The following TECRL variants were observed in gnomAD, a reference collection of about 807,000 sequenced individuals.
TECRL encodes the protein trans-2,3-enoyl-CoA reductase like.
Under a neutral mutation model 52.8 loss-of-function variants are expected in TECRL, and 63 were observed. That is an observed-to-expected ratio of 1.19 (90% CI 0.97 to 1.47). The LOEUF (loss-of-function observed/expected upper bound fraction) is 1.47. TECRL is among the 40% of genes most tolerant of loss of function. The probability of loss-of-function intolerance (pLI) is 0.00; values close to 1 mark genes in which losing one functional copy is unlikely to be tolerated. For synonymous variants in TECRL, 164 were observed against 141.9 expected, an observed-to-expected ratio of 1.16 and a Z score of -1.10; for missense variants, 482 against 429.6, an observed-to-expected ratio of 1.12 and a Z score of -1.08.
At chr4:64,343,809 A>G (rs1033428347) in intron 2 of TECRL, among the ~76,000 whole-genome samples, 3 of 152,086 alleles carry the variant, frequency 2.0e-5, no homozygotes, top group Admixed American at 1.3e-4. Flanking sequence ...CAGTTTGTCA[A>G]AAGATTAACC....
chr4:64,327,046 A>G (rs1357698568), intron 3 of TECRL, among the ~76,000 whole-genome samples: 1 of 152,108 alleles, frequency 6.6e-6, no homozygotes, highest in Non-Finnish European at 1.5e-5. Context: ...ACACTTTAAA[A>G]ATGATTTAAG....
intron 3 of TECRL, among the ~76,000 whole-genome samples, chr4:64,327,996 A>G (rs1718377372): frequency 6.6e-6 from 1 of 151,936 alleles, no homozygotes; most frequent in Non-Finnish European, 1.5e-5. Context: ...AGCAACAGTA[A>G]TTATTGGTAG....
intron 9 of TECRL, among the ~76,000 whole-genome samples, chr4:64,284,942 T>A (rs529503879): frequency 6.6e-6 from 1 of 152,114 alleles, no homozygotes; most frequent in African/African-American, 2.4e-5. Context: ...CCAAAACAAA[T>A]GCACATGATA....
chr4:64,284,636 T>C (rs1210546071), intron 9 of TECRL, among the ~76,000 whole-genome samples: 1 of 152,088 alleles, frequency 6.6e-6, no homozygotes, highest in Non-Finnish European at 1.5e-5. Flanking sequence ...CCAATTACAG[T>C]ACTTAATTGT....
rs1018134649 is a variant in TECRL at position 64,341,604 on chromosome 4, T to TA, written c.287-13049dup. ...TGGGCGACAAGAGTAAAACTCCATCTAAAAAAAAAATGGGGCTAAAACATC... is the reference window on the plus strand; with the variant it reads ...TGGGCGACAAGAGTAAAACTCCATCTAAAAAAAAAAATGGGGCTAAAACATC... On this transcript the variant is annotated intron_variant, in intron 2 of 11. Transcript: ENST00000381210. 2.5e-4 allele frequency among the ~76,000 whole-genome samples: 37 copies of TA among 148,402 alleles called. No homozygotes were observed. In the East Asian group the frequency reaches 3.6e-3, roughly 14 times the overall value.
chr4:64,310,272 A>G (rs1053394182), intron 5 of TECRL, among the ~76,000 whole-genome samples: 1 of 152,230 alleles, frequency 6.6e-6, no homozygotes, highest in African/African-American at 2.4e-5. Context: ...CGACTGAAAC[A>G]GACAATTTAC....
intron 8 of TECRL, among the ~76,000 whole-genome samples, chr4:64,293,041 T>C (rs574210134): frequency 6.6e-6 from 1 of 152,086 alleles, no homozygotes; most frequent in African/African-American, 2.4e-5. Context: ...TATTGAGTAA[T>C]TTGAATACTT....
At chr4:64,366,563 A>G (rs1394954076) in intron 2 of TECRL, among the ~76,000 whole-genome samples, 2 of 152,190 alleles carry the variant, frequency 1.3e-5, no homozygotes, top group Admixed American at 1.3e-4. Flanking sequence ...AAACAATTGA[A>G]TAAGCATATA....
chr4:64,340,946 C>A (rs564396521), intron 2 of TECRL, among the ~76,000 whole-genome samples: 1 of 152,298 alleles, frequency 6.6e-6, no homozygotes, highest in Non-Finnish European at 1.5e-5. Flanking sequence ...ACAACCCACT[C>A]CAGGGCCTCC....
chr4:64,316,767 A>C (rs971560182), intron 4 of TECRL, among the ~76,000 whole-genome samples: 2 of 152,202 alleles, frequency 1.3e-5, no homozygotes, highest in Admixed American at 6.5e-5. Flanking sequence ...AGAGGCAGAT[A>C]CACCTTTTTC....
At chr4:64,323,014 C>T (rs1488052627) in intron 3 of TECRL, among the ~76,000 whole-genome samples, 1 of 152,038 alleles carries the variant, frequency 6.6e-6, no homozygotes, top group East Asian at 1.9e-4. Context: ...ACCATCTACC[C>T]AAAATTTAGA....
intron 10 of TECRL, among the ~76,000 whole-genome samples, 167 bp from the exon 11 acceptor site, chr4:64,281,253 ATC>A: frequency 6.6e-6 from 1 of 151,924 alleles, no homozygotes; most frequent in Admixed American, 6.6e-5. Context: ...GTCATAAGCA[ATC>A]TCATTAAATG....
At chr4:64,374,000 AC>A (rs61618431) in intron 2 of TECRL, among the ~76,000 whole-genome samples, 4 of 29,616 alleles carry the variant, frequency 1.4e-4, no homozygotes, top group African/African-American at 3.6e-4. Flanking sequence ...TATCTACTAT[AC>A]TATAGTATAG....
chr4:64,384,942 C>T (rs1723072724), intron 1 of TECRL, among the ~76,000 whole-genome samples: 1 of 152,146 alleles, frequency 6.6e-6, no homozygotes, highest in African/African-American at 2.4e-5. Context: ...AACAGGCCTC[C>T]AAACAGTGTG....
intron 2 of TECRL, among the ~76,000 whole-genome samples, chr4:64,345,710 A>G (rs986300747): frequency 2.0e-5 from 3 of 151,896 alleles, no homozygotes; most frequent in Admixed American, 6.6e-5. Flanking sequence ...TAATAAAAAA[A>G]AAGAAGTTAA....
At chr4:64,325,679 C>CA (rs1007865103) in intron 3 of TECRL, among the ~76,000 whole-genome samples, 1 of 151,920 alleles carries the variant, frequency 6.6e-6, no homozygotes, top group Non-Finnish European at 1.5e-5. Context: ...TTAAAAAGGA[C>CA]AAAAAATTCA....
At chr4:64,344,806 G>T (rs926925127) in intron 2 of TECRL, among the ~76,000 whole-genome samples, 1 of 152,118 alleles carries the variant, frequency 6.6e-6, no homozygotes, top group East Asian at 1.9e-4. Context: ...CTTGTTTTTT[G>T]TTTGTTTGTC....
At chr4:64,277,690 T>C (rs1239991998), downstream of TECRL, 1 of 151,830 alleles carries the variant, frequency 6.6e-6, no homozygotes, top group Admixed American at 6.6e-5. Flanking sequence ...TATATGCATA[T>C]AATCTAAGAG....
intron 4 of TECRL, among the ~76,000 whole-genome samples, chr4:64,320,087 GAATT>G (rs1717794488): frequency 6.6e-6 from 1 of 151,716 alleles, no homozygotes; most frequent in South Asian, 2.1e-4. Context: ...ATACATACAT[GAATT>G]AATACAAAAA....
Sources: allele counts gnomAD v4.1 joint callset (sites outside exome capture counted in the v4.1 genomes callset), GRCh38; gene constraint gnomAD v4.1.1; transcripts MANE v1.5; gene names NCBI Gene and HGNC (gene_info 2026-07-23, HGNC 2026-07-21).